Variants in NRG3 observed in about 807,000 individuals in gnomAD.
NRG3 encodes neuregulin 3.
In NRG3, 31 loss-of-function variants were observed where a neutral mutation model predicts 66.9. That is an observed-to-expected ratio of 0.46 (90% CI 0.35 to 0.63). The LOEUF is 0.63. Ranked by LOEUF, NRG3 falls within the 20% of genes least tolerant of loss-of-function variation. The pLI is 0.00. For missense variants in NRG3, 910 were observed against 878.9 expected (o/e 1.04, Z -0.45); for synonymous variants, 393 against 359.4 (o/e 1.09, Z -1.06).
chr10:81,907,274 C>A (rs1844684114), intron 1 of NRG3, among the ~76,000 whole-genome samples: 1 of 152,092 alleles, frequency 6.6e-6, no homozygotes, highest in Non-Finnish European at 1.5e-5. Context: ...TTATAGGGGA[C>A]CTGCATCCAC....
At chr10:82,001,036 T>C (rs1438120439) in intron 1 of NRG3, among the ~76,000 whole-genome samples, 1 of 152,194 alleles carries the variant, frequency 6.6e-6, no homozygotes, top group Non-Finnish European at 1.5e-5. Context: ...CTGTTTCTTT[T>C]TTATACTGCT....
rs574920100 is a variant in NRG3 at position 82,597,005 on chromosome 10, A to G, written c.954-141572A>G. 4.0e-4 allele frequency among the ~76,000 whole-genome samples: 61 copies of G among 152,178 alleles called. 1 individual carries two copies. The South Asian group carries it at 0.011, about 26-fold the overall frequency. Reference sequence around the variant, plus strand: ...TAACACCTGCACTGCATCATCCTTCAAGACCCTTTTGGCTTTGTTTCTGTG... The same window carrying G: ...TAACACCTGCACTGCATCATCCTTCGAGACCCTTTTGGCTTTGTTTCTGTG... On this transcript the variant is annotated intron_variant, in intron 2 of 8. Coordinates refer to ENST00000372141, the MANE Select transcript of NRG3 (RefSeq NM_001010848.4).
At chr10:81,927,628 T>A (rs1048346058) in intron 1 of NRG3, among the ~76,000 whole-genome samples, 7 of 152,184 alleles carry the variant, frequency 4.6e-5, no homozygotes, top group Non-Finnish European at 1.0e-4. Context: ...AAAAATTGAT[T>A]GGGAAGTTCA....
chr10:82,240,497 G>A (rs1269920441), intron 1 of NRG3, among the ~76,000 whole-genome samples: 1 of 152,146 alleles, frequency 6.6e-6, no homozygotes, highest in Non-Finnish European at 1.5e-5. Context: ...GAACTGAAGG[G>A]AAGATGAAGA....
intron 4 of NRG3, among the ~76,000 whole-genome samples, chr10:82,932,907 G>A (rs1847712776): frequency 6.6e-6 from 1 of 152,034 alleles, no homozygotes; most frequent in Non-Finnish European, 1.5e-5. Flanking sequence ...TTGATATCCA[G>A]TCTTATCTTC....
rs115758238 is a variant in NRG3 at position 82,071,250 on chromosome 10, A to G, written c.823+195087A>G. 3.3e-3 allele frequency among the ~76,000 whole-genome samples: 506 copies of G among 152,312 alleles called. 2 individuals carry two copies. Among genetic ancestry groups the G allele is most frequent in the African/African-American group, 0.012 (483 of 41,572 alleles). The stretch of plus-strand genomic sequence containing the variant: ...AAATTCTTGTCATACTAGAGAACCA[A>G]ATGATTCAATGACAATGAGTAAAGC... On this transcript the variant is annotated intron_variant, in intron 1 of 8. Coordinates refer to ENST00000372141, the MANE Select transcript of NRG3 (RefSeq NM_001010848.4).
chr10:82,204,566 G>C (rs550083033), intron 1 of NRG3, among the ~76,000 whole-genome samples: 1 of 152,144 alleles, frequency 6.6e-6, no homozygotes, highest in Non-Finnish European at 1.5e-5. Context: ...AGTGGCATTC[G>C]CTGTACAACT....
intron 3 of NRG3, among the ~76,000 whole-genome samples, chr10:82,858,589 C>T (rs150594514): frequency 2.8e-4 from 43 of 152,300 alleles, no homozygotes; most frequent in African/African-American, 9.4e-4. Flanking sequence ...TTCTCAGTTG[C>T]AATGGACTAC....
chr10:82,262,766 T>C (rs557009692), intron 1 of NRG3, among the ~76,000 whole-genome samples: 1 of 152,308 alleles, frequency 6.6e-6, no homozygotes, highest in South Asian at 2.1e-4. Flanking sequence ...GTGCCTTCTA[T>C]ATGTGATCTG....
intron 1 of NRG3, among the ~76,000 whole-genome samples, chr10:82,165,301 A>G (rs1010956839): frequency 3.3e-5 from 5 of 152,106 alleles, no homozygotes; most frequent in African/African-American, 4.8e-5. Flanking sequence ...TTTGCATTCC[A>G]TATCAGACAC....
At chr10:81,899,441 A>C (rs1008140520) in intron 1 of NRG3, among the ~76,000 whole-genome samples, 1 of 152,214 alleles carries the variant, frequency 6.6e-6, no homozygotes, top group Non-Finnish European at 1.5e-5. Context: ...CAGCAGGATG[A>C]GCTGTGATTG....
intron 1 of NRG3, among the ~76,000 whole-genome samples, chr10:82,019,579 G>T (rs1192431882): frequency 2.6e-5 from 4 of 151,982 alleles, no homozygotes; most frequent in Non-Finnish European, 2.9e-5. Context: ...GAATTTTTTT[G>T]GTTGGTAAGC....
chr10:82,442,448 A>T (rs2090479082), intron 2 of NRG3, among the ~76,000 whole-genome samples: 2 of 152,204 alleles, frequency 1.3e-5, no homozygotes, highest in Non-Finnish European at 2.9e-5. Context: ...TGTCAGTAAG[A>T]GTTAATAAGG....
At chr10:82,174,612 G>T (rs1391763406) in intron 1 of NRG3, among the ~76,000 whole-genome samples, 1 of 152,044 alleles carries the variant, frequency 6.6e-6, no homozygotes, top group Non-Finnish European at 1.5e-5. Flanking sequence ...GTAGCACAGA[G>T]CTTAGTACTG....
chr10:82,540,952 C>A (rs996149391), intron 2 of NRG3, among the ~76,000 whole-genome samples: 2 of 152,062 alleles, frequency 1.3e-5, no homozygotes, highest in Admixed American at 1.3e-4. Context: ...GTGTCCTAAT[C>A]CAATATGACT....
intron 3 of NRG3, among the ~76,000 whole-genome samples, chr10:82,830,246 T>C (rs342374): frequency 0.51 from 77,788 of 151,964 alleles, 19,991 homozygotes; most frequent in South Asian, 0.54. Context: ...ATTTCTTTGT[T>C]TACAAGTCCA....
chr10:82,247,532 A>G (rs1340121060), intron 1 of NRG3, among the ~76,000 whole-genome samples: 1 of 152,144 alleles, frequency 6.6e-6, no homozygotes, highest in African/African-American at 2.4e-5. Flanking sequence ...GAATTTCAAC[A>G]TATGGGTTTG....
rs995423887 is a variant in NRG3 at position 82,346,805 on chromosome 10, T to G, written c.824-11934T>G. Among the ~76,000 whole-genome samples, 142 of 152,248 alleles carry G rather than the reference T, an allele frequency of 9.3e-4. 1 individual carries two copies. Among genetic ancestry groups the G allele is most frequent in the African/African-American group, 3.2e-3 (131 of 41,554 alleles). On this transcript the variant is annotated intron_variant, in intron 1 of 8. Coordinates refer to ENST00000372141, the MANE Select transcript of NRG3 (RefSeq NM_001010848.4). Reference sequence around the variant, plus strand: ...TGGTTTAGTCTTGGGAGAGTGTATGTGTCAAGGAATTTATCCATTTCTTCT... The same window carrying G: ...TGGTTTAGTCTTGGGAGAGTGTATGGGTCAAGGAATTTATCCATTTCTTCT...
At chr10:82,554,736 T>C (rs1470571475) in intron 2 of NRG3, among the ~76,000 whole-genome samples, 1 of 152,200 alleles carries the variant, frequency 6.6e-6, no homozygotes, top group Non-Finnish European at 1.5e-5. Context: ...ATTCTAGTCA[T>C]AATTTAACAA....
Sources: allele counts gnomAD v4.1 joint callset (sites outside exome capture counted in the v4.1 genomes callset), GRCh38; gene constraint gnomAD v4.1.1; transcripts MANE v1.5; gene names NCBI Gene and HGNC (gene_info 2026-07-23, HGNC 2026-07-21).